DBF4B: variants seen among roughly 807,000 people sequenced by gnomAD.
The protein encoded by DBF4B is protein DBF4 homolog B.
In DBF4B, 49 loss-of-function variants were observed where a neutral mutation model predicts 53.4. That is an observed-to-expected ratio of 0.92 (90% CI 0.73 to 1.16). DBF4B has a LOEUF of 1.16. DBF4B is among the 50% of genes most tolerant of loss of function. The pLI is 0.00. For synonymous variants in DBF4B, 257 were observed against 288.7 expected (o/e 0.89, Z 1.11); for missense variants, 692 against 775.0 (o/e 0.89, Z 1.27).
rs541793474 is a variant in DBF4B at position 44,747,303 on chromosome 17, G to A, written c.940-88G>A. On this transcript the variant is annotated intron_variant, in intron 11 of 13. Coordinates refer to ENST00000315005, the MANE Select transcript of DBF4B (RefSeq NM_145663.3). ...TATGCTGCTATGGCTGTCCTCCAGG[G>A]CCAGAGCATGGGCTGGGAGGTCAGC... The A allele has an allele frequency of 2.5e-6, 4 of 1,598,228 alleles. No individual in the cohort carries two copies. The African/African-American group carries it at 5.3e-5, about 21-fold the overall frequency.
rs867067834 is a variant in DBF4B at position 44,747,404 on chromosome 17, C to T, written c.953C>T (p.Ala318Val). The change falls in exon 12 of 14, where the codon GCC (alanine) becomes GTC (valine). Residue 318 changes from alanine (A) to valine (V), a missense_variant. Transcript: ENST00000315005. ...FEELHVHLQS[A>V]QHRSFALEAH... The stretch of plus-strand genomic sequence containing the variant: ...CCCCGCCGGCAGCATCTTCAGAGTG[C>T]CCAGCACCGGAGCTTTGCCCTGGAA... The T allele has an allele frequency of 1.9e-6, 3 of 1,614,062 alleles. No homozygotes were observed. Among genetic ancestry groups the T allele is most frequent in the Admixed American group, 3.3e-5 (2 of 60,022 alleles).
intron 7 of DBF4B, among the ~76,000 whole-genome samples, chr17:44,734,883 C>A (rs1490409585): frequency 2.0e-5 from 3 of 152,196 alleles, no homozygotes; most frequent in African/African-American, 7.2e-5. Flanking sequence ...GCCAGCAGAT[C>A]ACTTGAGGTC....
intron 10 of DBF4B, among the ~76,000 whole-genome samples, chr17:44,744,589 C>G (rs949144605): frequency 2.0e-5 from 3 of 152,026 alleles, no homozygotes; most frequent in African/African-American, 7.3e-5. Context: ...GAATAAATTC[C>G]TAAAGGTAGA....
At chr17:44,719,763 G>C (rs1427068892) in intron 2 of DBF4B, 1 of 205,956 alleles carries the variant, frequency 4.9e-6, no homozygotes, top group Non-Finnish European at 1.0e-5. Context: ...AAGAAATTCA[G>C]AACACCAATT....
rs796601628 is a variant in DBF4B at position 44,750,059 on chromosome 17, C to G, written c.1190-536C>G. ...GCCCCCTCTGGGACCCCTCTCGCCC[C>G]TTCTCTGCCTCCTCAGCTTGAGCTG... On this transcript the variant is annotated intron_variant, in intron 13 of 13. Coordinates refer to ENST00000315005, the MANE Select transcript of DBF4B (RefSeq NM_145663.3). 4.2e-5 allele frequency: 42 copies of G among 1,000,370 alleles called. No homozygotes were observed. In the South Asian group the frequency reaches 1.6e-3, roughly 38 times the overall value. The allele number at this position is 1,000,370 out of a possible 1,614,324, so 62.0% of individuals were successfully genotyped here.
chr17:44,744,290 T>G (rs975110841), intron 10 of DBF4B, among the ~76,000 whole-genome samples: 1 of 151,766 alleles, frequency 6.6e-6, no homozygotes, highest in African/African-American at 2.4e-5. Flanking sequence ...TGCAAGCCTG[T>G]AGTCTAAGCT....
intron 10 of DBF4B, among the ~76,000 whole-genome samples, chr17:44,746,712 T>C (rs942699188): frequency 4.0e-5 from 6 of 150,396 alleles, no homozygotes; most frequent in Non-Finnish European, 7.4e-5. Flanking sequence ...CCAGCTACTC[T>C]GGAGGCTAAG....
chr17:44,737,043 T>C (rs1568187366), intron 8 of DBF4B, among the ~76,000 whole-genome samples, 177 bp downstream of exon 8: 1 of 152,184 alleles, frequency 6.6e-6, no homozygotes, highest in Non-Finnish European at 1.5e-5. Flanking sequence ...GAGAGAGGCA[T>C]GCCCAAGAGC....
Position 44,751,280 on chromosome 17 carries a change from G to A in DBF4B, c.*27G>A, listed in dbSNP as rs925717310. 1 of 1,596,624 alleles carries A rather than the reference G, an allele frequency of 6.3e-7. No individual in the cohort carries two copies. Among genetic ancestry groups the A allele is most frequent in the East Asian group, 2.2e-5 (1 of 44,716 alleles). On this transcript the variant is annotated 3_prime_UTR_variant, in exon 14 of 14. Coordinates refer to ENST00000315005, the MANE Select transcript of DBF4B (RefSeq NM_145663.3). ...GGTGAACCCAGAACACCTGAGACTTGACCCAGGATGGATGGGTGCTGCTTG... is the reference window on the plus strand; with the variant it reads ...GGTGAACCCAGAACACCTGAGACTTAACCCAGGATGGATGGGTGCTGCTTG...
intron 2 of DBF4B, among the ~76,000 whole-genome samples, chr17:44,713,748 A>G (rs1269147961): frequency 6.6e-6 from 1 of 152,154 alleles, no homozygotes; most frequent in Non-Finnish European, 1.5e-5. Context: ...TTCAGGTCCA[A>G]ACTCTTCACC....
chr17:44,747,621 T>C (rs2049142375), intron 12 of DBF4B, 106 bp downstream of exon 12: 2 of 1,408,694 alleles, frequency 1.4e-6, no homozygotes, highest in Non-Finnish European at 1.9e-6. Flanking sequence ...GACTGTGATG[T>C]TTTCCTCTTT....
At chr17:44,730,733 T>C (rs1568178836) in intron 4 of DBF4B, among the ~76,000 whole-genome samples, 1 of 152,282 alleles carries the variant, frequency 6.6e-6, no homozygotes, top group East Asian at 1.9e-4. Flanking sequence ...AGTGCCCTTC[T>C]CTCCACCAGG....
At chr17:44,746,188 T>C (rs1976577620) in intron 10 of DBF4B, among the ~76,000 whole-genome samples, 1 of 143,204 alleles carries the variant, frequency 7.0e-6, no homozygotes, top group Non-Finnish European at 1.5e-5. Flanking sequence ...GCCGAAATCA[T>C]GCTGCTGCAC....
chr17:44,712,790 G>C (rs1050190619), intron 2 of DBF4B, among the ~76,000 whole-genome samples: 1 of 151,038 alleles, frequency 6.6e-6, no homozygotes, highest in Non-Finnish European at 1.5e-5. Flanking sequence ...GCCCAGGCTG[G>C]TCTTGAACTC....
chr17:44,730,126 G>A (rs748314360), intron 4 of DBF4B, 30 bp downstream of exon 4: 1 of 1,601,890 alleles, frequency 6.2e-7, no homozygotes, highest in East Asian at 2.2e-5. Context: ...AAGGTATGCT[G>A]TGTAAACAAA....
chr17:44,721,620 A>G (rs1047516918), intron 2 of DBF4B, among the ~76,000 whole-genome samples: 15 of 151,834 alleles, frequency 9.9e-5, no homozygotes, highest in Admixed American at 9.9e-4. Flanking sequence ...TCTTTTTCCT[A>G]TCTGGTTCAT....
chr17:44,741,475 T>C, intron 10 of DBF4B, 23 bp downstream of exon 10: 1 of 1,511,024 alleles, frequency 6.6e-7, no homozygotes, highest in Non-Finnish European at 9.0e-7. Context: ...GGTTCCTGAG[T>C]ACCAAGGGCT....
At chr17:44,736,927 C>T (rs1369489068) in intron 8 of DBF4B, 61 bp downstream of exon 8, 12 of 1,578,886 alleles carry the variant, frequency 7.6e-6, no homozygotes, top group South Asian at 6.7e-5. Context: ...CACTTCCCCA[C>T]GACTCCCTCT....
At position 44,749,994 on chromosome 17, in the gene DBF4B, C is replaced by G; in HGVS notation, c.1190-601C>G. On this transcript the variant is annotated intron_variant, in intron 13 of 13. Coordinates refer to ENST00000315005, the MANE Select transcript of DBF4B (RefSeq NM_145663.3). This position sits in a 1 kb window ranked among gnomAD's most constrained non-coding sequence, Gnocchi z 4.4. ...CCTCCCCCAGGCACTTAGTTGGGGC[C>G]CAGCACTGACCTTTCCCCTGAGCCC... The G allele has an allele frequency of 9.9e-7, 1 of 1,005,302 alleles. No homozygotes were observed. Among genetic ancestry groups the G allele is most frequent in the Middle Eastern group, 5.1e-4 (1 of 1,956 alleles). 62.3% of individuals were successfully genotyped at this position (1,005,302 alleles called of 1,614,324 possible).
Sources: gnomAD v4.1 joint callset for allele counts (sites outside exome capture counted in the v4.1 genomes callset) on GRCh38, gnomAD v4.1.1 for gene constraint, Gnocchi (gnomAD v3.1) non-coding constraint, MANE v1.5 for transcripts, NCBI Gene and HGNC (gene_info 2026-07-23, HGNC 2026-07-21) for gene names.